Variants in HSPH1 observed in about 807,000 individuals in gnomAD.
HSPH1 encodes the protein heat shock protein family H (Hsp110) member 1.
Under a neutral mutation model 100.0 loss-of-function variants are expected in HSPH1, and 40 were observed. The ratio of observed to expected loss-of-function variants is 0.40; its 90% CI spans 0.31 to 0.52. HSPH1 has a LOEUF of 0.52. Ranked by LOEUF, HSPH1 falls within the 20% of genes least tolerant of loss-of-function variation. The pLI, the probability that HSPH1 is intolerant of heterozygous loss-of-function variation, is 0.54. For synonymous variants in HSPH1, 403 were observed against 344.0 expected, an observed-to-expected ratio of 1.17 and a Z score of -1.90; for missense variants, 876 against 1,015.1, an observed-to-expected ratio of 0.86 and a Z score of 1.86.
intron 11 of HSPH1, among the ~76,000 whole-genome samples, chr13:31,145,248 G>A (rs1195638022): frequency 3.3e-5 from 5 of 152,082 alleles, no homozygotes; most frequent in African/African-American, 1.2e-4. Context: ...TTTCTTAAAC[G>A]TCAGTCAACA....
chr13:31,138,681 A>G (rs141082628), intron 16 of HSPH1, 100 bp downstream of exon 16: 3 of 1,527,740 alleles, frequency 2.0e-6, no homozygotes, highest in Non-Finnish European at 2.6e-6. Flanking sequence ...CAAATACCAA[A>G]ATTTCAAAGT....
In HSPH1 at chr13:31,145,670, A is replaced by G; in HGVS notation, c.1477T>C (p.Ser493Pro). 1 of 1,613,408 alleles carries G rather than the reference A, an allele frequency of 6.2e-7. No homozygotes were observed. Among genetic ancestry groups the G allele is most frequent in the South Asian group, 1.1e-5 (1 of 91,082 alleles). ...ACTTTCTCCACCATAGATGCCGTAG[A>G]GATGGTGAAAATGCCATGGGTGTTG... ...RVNTHGIFTI[S>P]TASMVEKVPT... The change falls in exon 11 of 18, where the codon TCT (serine) becomes CCT (proline). Residue 493 changes from serine to proline, a missense_variant. Ser to Pro is a moderately conservative substitution (Grantham distance 74, BLOSUM62 -1). Transcript: ENST00000320027.
intron 10 of HSPH1, among the ~76,000 whole-genome samples, chr13:31,146,589 G>A (rs541746210): frequency 1.1e-4 from 16 of 152,272 alleles, no homozygotes; most frequent in Admixed American, 2.6e-4. Flanking sequence ...AATAAGGGAG[G>A]TGAGCCAAAA....
chr13:31,162,232 T>G, upstream of HSPH1: 2 of 784,868 alleles, frequency 2.5e-6, no homozygotes, highest in Non-Finnish European at 4.1e-6. Flanking sequence ...CACAATTTAC[T>G]ACCGGGAGGT....
At chr13:31,152,784 G>A (rs1040190460) in intron 5 of HSPH1, 68 bp downstream of exon 5, 5 of 1,076,852 alleles carry the variant, frequency 4.6e-6, no homozygotes, top group Non-Finnish European at 7.2e-6. Context: ...CTATAAGAAA[G>A]TAATAGCACT....
At position 31,137,193 on chromosome 13, in the gene HSPH1, T is replaced by G. The variant is rs1021041944; in HGVS notation, c.*125A>C. On this transcript the variant is annotated 3_prime_UTR_variant, in exon 18 of 18. Transcript: ENST00000320027. Reference sequence around the variant, plus strand: ...CTTAAGCTTTTTTTCTTTTTCCATATAATACACAAAATTTCTAAATATCCT... The same window carrying G: ...CTTAAGCTTTTTTTCTTTTTCCATAGAATACACAAAATTTCTAAATATCCT... 1.3e-5 allele frequency: 10 copies of G among 742,984 alleles called. No individual in the cohort carries two copies. The highest frequency in any genetic ancestry group is 2.3e-5 in the Non-Finnish European group (10 of 426,514). The allele number at this position is 742,984 out of a possible 1,614,324, so 46.0% of individuals were successfully genotyped here.
At position 31,136,602 on chromosome 13, in the gene HSPH1, TA is replaced by T. The variant is rs1311877479; in HGVS notation, c.*715del. 1 of 152,664 alleles carries T rather than the reference TA, an allele frequency of 6.6e-6. No individual in the cohort carries two copies. The highest frequency in any genetic ancestry group is 1.5e-5 in the Non-Finnish European group (1 of 68,040). The allele number at this position is 152,664 out of a possible 1,614,324, so 9.5% of individuals were successfully genotyped here. On this transcript the variant is annotated 3_prime_UTR_variant, in exon 18 of 18. Transcript: ENST00000320027. ...TCATATTCTCCCTCATCTCATTTTT[TA>T]AATTAGTGACAAAATCAACAGTTTA...
Position 31,143,794 on chromosome 13 carries a change from T to C in HSPH1, c.1714A>G (p.Lys572Glu). ...AATGAACTAGAAGAGTCACTCACTT[T>C]GTCAGCATCTGGGATTTTGTTTTCT... ...SEENKIPDAD[K>E]ANEKKVDQPP... is the part of the protein sequence containing the mutation. The change falls in exon 12 of 18, where the codon AAA (lysine) becomes GAA (glutamate). Residue 572 changes from lysine to glutamate, a missense_variant and splice_region_variant. Coordinates refer to ENST00000320027, the MANE Select transcript of HSPH1 (RefSeq NM_006644.4). 6.2e-7 allele frequency: 1 copy of C among 1,606,426 alleles called. No individual in the cohort carries two copies. Among genetic ancestry groups the C allele is most frequent in the South Asian group, 1.1e-5 (1 of 89,906 alleles).
chr13:31,140,002 G>T (rs1956030987), intron 14 of HSPH1, among the ~76,000 whole-genome samples, 182 bp downstream of exon 14: 1 of 151,978 alleles, frequency 6.6e-6, no homozygotes, highest in East Asian at 1.9e-4. Context: ...AAGAGTTTTG[G>T]GGGTAGGCTA....
chr13:31,143,370 G>C (rs2137559559), intron 12 of HSPH1, among the ~76,000 whole-genome samples: 1 of 152,092 alleles, frequency 6.6e-6, no homozygotes. Flanking sequence ...ACTTAAATTT[G>C]ACCGATGGCT....
chr13:31,138,390 G>A lies in HSPH1; in HGVS notation c.2370+17C>T, dbSNP rs769143222. On this transcript the variant is annotated intron_variant, in intron 17 of 17. Coordinates refer to ENST00000320027, the MANE Select transcript of HSPH1 (RefSeq NM_006644.4). ...CGTAAGTGAACCCAGCAGTAAACAC[G>A]AGACAGTAACACTCACCTTGATTTT... 9.3e-6 allele frequency: 15 copies of A among 1,609,794 alleles called. No individual in the cohort carries two copies. Among genetic ancestry groups the A allele is most frequent in the East Asian group, 2.2e-5 (1 of 44,752 alleles).
At position 31,154,871 on chromosome 13, in the gene HSPH1, T is replaced by C. The variant is rs186608319; in HGVS notation, c.307-116A>G. ...CCACAAAATCTTTATTTTATTGTTGTAGTTGTTTTGGGAAGAAGGAAGAAA... is the reference window on the plus strand; with the variant it reads ...CCACAAAATCTTTATTTTATTGTTGCAGTTGTTTTGGGAAGAAGGAAGAAA... On this transcript the variant is annotated intron_variant, in intron 3 of 17. Coordinates refer to ENST00000320027, the MANE Select transcript of HSPH1 (RefSeq NM_006644.4). The C allele has an allele frequency of 4.6e-4, 412 of 887,720 alleles. 1 individual carries two copies. In the African/African-American group the frequency reaches 6.0e-3, roughly 13 times the overall value. The allele number at this position is 887,720 out of a possible 1,614,324, so 55.0% of individuals were successfully genotyped here.
rs1160589942 is a variant in HSPH1, at chr13:31,161,739, G to A, written c.-157C>T. 4 of 1,532,050 alleles carry A rather than the reference G, an allele frequency of 2.6e-6. No homozygotes were observed. Among genetic ancestry groups the A allele is most frequent in the Admixed American group, 2.0e-5 (1 of 50,916 alleles). The allele number at this position is 1,532,050 out of a possible 1,614,324, so 94.9% of individuals were successfully genotyped here. On this transcript the variant is annotated 5_prime_UTR_variant, in exon 1 of 18. Transcript: ENST00000320027. Reference sequence around the variant, plus strand: ...CACTCAGAAGGACACACAGACAGCCGCGGCCTGTCAGGAGCCTCCTACTCC... The same window carrying A: ...CACTCAGAAGGACACACAGACAGCCACGGCCTGTCAGGAGCCTCCTACTCC...
chr13:31,159,752 G>A (rs1006503801), intron 1 of HSPH1, among the ~76,000 whole-genome samples: 7 of 152,024 alleles, frequency 4.6e-5, no homozygotes, highest in Non-Finnish European at 1.0e-4. Context: ...AATACTGAGG[G>A]CATTAAGTAC....
In HSPH1 at chr13:31,138,546, T is replaced by A; in HGVS notation, c.2231A>T (p.Asp744Val). ...CTCCACTTTTTTCATTTCAGACTCATCAATATGGTTGTATTTCTCATCCTG... is the reference window on the plus strand; with the variant it reads ...CTCCACTTTTTTCATTTCAGACTCAACAATATGGTTGTATTTCTCATCCTG... The part of the protein sequence containing the change: ...RNKDEKYNHI[D>V]ESEMKKVEKS... Residue 744 changes from aspartate (D) to valine (V), a missense_variant, in exon 17 of 18, where the codon GAT becomes GTT. By Grantham distance (152) the Asp-to-Val change is radical. Transcript: ENST00000320027. 1 of 1,611,224 alleles carries A rather than the reference T, an allele frequency of 6.2e-7. No homozygotes were observed. Among genetic ancestry groups the A allele is most frequent in the Non-Finnish European group, 8.5e-7 (1 of 1,178,800 alleles).
intron 1 of HSPH1, among the ~76,000 whole-genome samples, chr13:31,159,712 T>C (rs917260049): frequency 6.6e-6 from 1 of 152,160 alleles, no homozygotes; most frequent in East Asian, 1.9e-4. Flanking sequence ...TAGGTATGAG[T>C]AATGGTAAAC....
In HSPH1 at chr13:31,147,995, C is replaced by G. The variant is rs1275858001; in HGVS notation, c.1342G>C (p.Asp448His). ...TCTGGATATGGAACTCCTTGGGGAT[C>G]AGAATAGAAAGCTTCTAGCTCAAAA... ...GPFELEAFYS[D>H]PQGVPYPEAK... Residue 448 changes from aspartate (D) to histidine (H), a missense_variant, in exon 10 of 18, where the codon GAT (aspartate) becomes CAT (histidine). Coordinates refer to ENST00000320027, the MANE Select transcript of HSPH1 (RefSeq NM_006644.4). 1 of 1,606,174 alleles carries G rather than the reference C, an allele frequency of 6.2e-7. No homozygotes were observed. The highest frequency in any genetic ancestry group is 2.2e-5 in the East Asian group (1 of 44,716).
rs148418710 is a variant in HSPH1 at position 31,155,574 on chromosome 13, C to T, written c.246G>A (p.Lys82=). The T allele has an allele frequency of 1.2e-4, 194 of 1,611,760 alleles. No individual in the cohort carries two copies. The African/African-American group carries it at 2.3e-3, about 20-fold the overall frequency. Residue 82 remains lysine (K), a synonymous_variant, in exon 3 of 18, where the codon AAG becomes AAA. Transcript: ENST00000320027. The part of the protein sequence containing the change: ...GRAFNDPFIQ[K]EKENLSYDLV... ...AATCGTAACTCAAGTTTTCCTTCTCCTTTTGAATGAAGGGGTCATTGAATG... is the reference window on the plus strand; with the variant it reads ...AATCGTAACTCAAGTTTTCCTTCTCTTTTTGAATGAAGGGGTCATTGAATG...
chr13:31,153,511 G>A (rs747520139), intron 4 of HSPH1, among the ~76,000 whole-genome samples: 2 of 152,248 alleles, frequency 1.3e-5, no homozygotes, highest in African/African-American at 2.4e-5. Context: ...ATTTTCCTAA[G>A]AGTAAAAACA....
Sources: gnomAD v4.1 joint callset for allele counts (sites outside exome capture counted in the v4.1 genomes callset) on GRCh38, gnomAD v4.1.1 for gene constraint, MANE v1.5 for transcripts, NCBI Gene and HGNC (gene_info 2026-07-23, HGNC 2026-07-21) for gene names.